Variants in SYT1 observed in about 807,000 individuals in gnomAD.
SYT1 encodes the protein synaptotagmin-1.
Under a neutral mutation model 44.8 loss-of-function variants are expected in SYT1, and 8 were observed. The observed-to-expected ratio is 0.18, with a 90% CI of 0.10 to 0.32. SYT1 has a LOEUF of 0.32. Among genes scored for constraint, SYT1 ranks in the 10% least tolerant of loss-of-function variants. The pLI is 1.00. For synonymous variants in SYT1, 154 were observed against 188.8 expected (o/e 0.82, Z 1.51); for missense variants, 286 against 509.3 (o/e 0.56, Z 4.22).
At chr12:78,887,178 A>C (rs2137066833) in intron 1 of SYT1, among the ~76,000 whole-genome samples, 1 of 152,058 alleles carries the variant, frequency 6.6e-6, no homozygotes, top group Non-Finnish European at 1.5e-5. Context: ...TAGCATGATG[A>C]AATCTCACGC....
At chr12:78,903,293 T>C (rs1415375000) in intron 1 of SYT1, among the ~76,000 whole-genome samples, 25 of 151,238 alleles carry the variant, frequency 1.7e-4, no homozygotes, top group Non-Finnish European at 1.5e-5. Context: ...ATTATATGTA[T>C]ATATATTTTT....
intron 8 of SYT1, among the ~76,000 whole-genome samples, chr12:79,324,711 T>C (rs1016496739): frequency 1.3e-5 from 2 of 151,842 alleles, no homozygotes; most frequent in Admixed American, 6.6e-5. Context: ...CAAATATCAC[T>C]AGGAAACTGA....
chr12:79,319,270 T>C (rs964147948), intron 8 of SYT1, among the ~76,000 whole-genome samples: 2 of 152,326 alleles, frequency 1.3e-5, no homozygotes, highest in African/African-American at 2.4e-5. Context: ...GGTCACACCA[T>C]TGAGTATCTG....
chr12:79,155,121 A>G (rs1297844344), intron 3 of SYT1, among the ~76,000 whole-genome samples: 1 of 152,236 alleles, frequency 6.6e-6, no homozygotes, highest in African/African-American at 2.4e-5. Context: ...CAATGAAAAT[A>G]TATTATAAAA....
At chr12:79,216,724 G>A (rs1231046164) in intron 3 of SYT1, among the ~76,000 whole-genome samples, 1 of 151,830 alleles carries the variant, frequency 6.6e-6, no homozygotes, top group East Asian at 1.9e-4. Flanking sequence ...TAAAATAATT[G>A]AATACATTAA....
chr12:79,206,861 C>T (rs1405500), intron 3 of SYT1, among the ~76,000 whole-genome samples: 9,400 of 152,174 alleles, frequency 0.062, 579 homozygotes, highest in African/African-American at 0.16. Context: ...AAACTCAGAT[C>T]GAGGTGAAAA....
At chr12:79,176,063 G>T (rs1456109716) in intron 3 of SYT1, among the ~76,000 whole-genome samples, 1 of 151,990 alleles carries the variant, frequency 6.6e-6, no homozygotes, top group African/African-American at 2.4e-5. Flanking sequence ...GGCCGAGGAG[G>T]GTGGATCACC....
chr12:79,355,813 T>C (rs1156402941), intron 9 of SYT1, among the ~76,000 whole-genome samples: 1 of 152,092 alleles, frequency 6.6e-6, no homozygotes, highest in African/African-American at 2.4e-5. Context: ...AATAAACATA[T>C]ATTGTGTCCC....
chr12:79,326,259 A>G (rs1033517007), intron 8 of SYT1, among the ~76,000 whole-genome samples: 1 of 152,208 alleles, frequency 6.6e-6, no homozygotes, highest in Admixed American at 6.5e-5. Flanking sequence ...GTGACAAGCT[A>G]TAGTTAATAA....
chr12:79,317,303 G>A lies in SYT1; in HGVS notation c.810+17752G>A, dbSNP rs185089207. 7.9e-5 allele frequency among the ~76,000 whole-genome samples: 12 copies of A among 152,248 alleles called. No homozygotes were observed. In the East Asian group the frequency reaches 2.3e-3, roughly 29 times the overall value. On this transcript the variant is annotated intron_variant, in intron 8 of 10. Coordinates refer to ENST00000261205, the MANE Select transcript of SYT1 (RefSeq NM_005639.3). ...TCGAAAGCTGATGGAATAATTCCCTGTCAGCCTACTTTATGCAAAACAACT... is the reference window on the plus strand; with the variant it reads ...TCGAAAGCTGATGGAATAATTCCCTATCAGCCTACTTTATGCAAAACAACT...
chr12:78,973,797 C>G (rs1868547078), intron 1 of SYT1, among the ~76,000 whole-genome samples: 1 of 150,018 alleles, frequency 6.7e-6, no homozygotes, highest in African/African-American at 2.5e-5. Context: ...TGAGCTACCA[C>G]TGTTATATGC....
chr12:79,372,518 T>G (rs1883831585), intron 9 of SYT1, among the ~76,000 whole-genome samples: 1 of 152,190 alleles, frequency 6.6e-6, no homozygotes, highest in South Asian at 2.1e-4. Flanking sequence ...GTCAGCAGCC[T>G]TTAGGCCCAA....
intron 2 of SYT1, among the ~76,000 whole-genome samples, chr12:79,024,216 A>G (rs1462640068): frequency 1.3e-5 from 2 of 151,748 alleles, no homozygotes; most frequent in Non-Finnish European, 2.9e-5. Flanking sequence ...AGGACAATTC[A>G]AAGACGTATT....
intron 3 of SYT1, among the ~76,000 whole-genome samples, chr12:79,114,107 G>A (rs916514001): frequency 6.6e-6 from 1 of 152,094 alleles, no homozygotes; most frequent in Non-Finnish European, 1.5e-5. Context: ...CTTTGCTAAG[G>A]AAAATACCTT....
intron 1 of SYT1, among the ~76,000 whole-genome samples, chr12:78,946,097 A>G (rs1473805670): frequency 2.0e-5 from 3 of 152,224 alleles, no homozygotes; most frequent in Non-Finnish European, 2.9e-5. Context: ...ACACACAAAT[A>G]GTTATATATT....
At chr12:79,261,697 ATC>A (rs1173044770) in intron 4 of SYT1, among the ~76,000 whole-genome samples, 1 of 152,188 alleles carries the variant, frequency 6.6e-6, no homozygotes, top group African/African-American at 2.4e-5. Flanking sequence ...CATTTATTAA[ATC>A]TCATCTGTGT....
intron 1 of SYT1, among the ~76,000 whole-genome samples, chr12:78,878,238 A>G (rs182025624): frequency 7.9e-5 from 12 of 151,900 alleles, no homozygotes; most frequent in Admixed American, 7.9e-4. Flanking sequence ...TAGTGAGTGG[A>G]GAACTAGTCT....
chr12:79,064,926 G>GACAAAGAAAGAAAGAA (rs549891799), intron 3 of SYT1, among the ~76,000 whole-genome samples: 306 of 111,530 alleles, frequency 2.7e-3, no homozygotes, highest in Non-Finnish European at 3.7e-3. Flanking sequence ...AAAAAATAGA[G>GACAAAGAAAGAAAGAA]AGAAAGAAAG....
intron 9 of SYT1, among the ~76,000 whole-genome samples, chr12:79,414,110 G>A (rs548002409): frequency 5.9e-5 from 9 of 152,140 alleles, no homozygotes; most frequent in Non-Finnish European, 1.2e-4. Flanking sequence ...CAATTGTCTT[G>A]CTGAAGTCTA....
Sources: allele counts gnomAD v4.1 joint callset (sites outside exome capture counted in the v4.1 genomes callset), GRCh38; gene constraint gnomAD v4.1.1; transcripts MANE v1.5; gene names NCBI Gene and HGNC (gene_info 2026-07-23, HGNC 2026-07-21).